Variants in SH3GL2 observed in about 807,000 individuals in gnomAD.
SH3GL2 encodes SH3 domain containing GRB2 like 2, endophilin A1, also known as endophilin-A1.
In SH3GL2, 24 loss-of-function variants were observed where a neutral mutation model predicts 46.0. That is an observed-to-expected ratio of 0.52 (90% CI 0.38 to 0.73). The LOEUF (loss-of-function observed/expected upper bound fraction) is 0.73, where lower values mean the gene tolerates loss of function less well. SH3GL2 is among the 30% of genes least tolerant of loss of function. SH3GL2 has a pLI of 0.00. For synonymous variants in SH3GL2, 196 were observed against 147.1 expected (o/e 1.33, Z -2.40); for missense variants, 413 against 424.2 (o/e 0.97, Z 0.23).
At chr9:17,596,922 T>C (rs1588163227) in intron 1 of SH3GL2, among the ~76,000 whole-genome samples, 1 of 152,210 alleles carries the variant, frequency 6.6e-6, no homozygotes. Context: ...CATGCCTTTA[T>C]GGATGGTCTG....
intron 1 of SH3GL2, among the ~76,000 whole-genome samples, chr9:17,587,672 G>A (rs915396844): frequency 6.6e-6 from 1 of 152,108 alleles, no homozygotes; most frequent in African/African-American, 2.4e-5. Context: ...GAGGCCAGGG[G>A]TTCAAGACCA....
chr9:17,625,377 G>A (rs748837205), intron 1 of SH3GL2, among the ~76,000 whole-genome samples: 2 of 152,158 alleles, frequency 1.3e-5, no homozygotes, highest in African/African-American at 2.4e-5. Flanking sequence ...CACACAGTTC[G>A]TTTTTTACAG....
At chr9:17,597,177 C>T (rs1262112495) in intron 1 of SH3GL2, among the ~76,000 whole-genome samples, 1 of 152,134 alleles carries the variant, frequency 6.6e-6, no homozygotes, top group Non-Finnish European at 1.5e-5. Flanking sequence ...TTTTTATTTG[C>T]TGCAAAACTT....
At chr9:17,762,356 AG>A (rs1490840165) in intron 3 of SH3GL2, among the ~76,000 whole-genome samples, 1 of 150,948 alleles carries the variant, frequency 6.6e-6, no homozygotes, top group African/African-American at 2.4e-5. Flanking sequence ...CAACTGCTTC[AG>A]CCCCAATGAG....
chr9:17,759,910 A>G (rs906063871), intron 2 of SH3GL2, among the ~76,000 whole-genome samples: 4 of 152,230 alleles, frequency 2.6e-5, no homozygotes, highest in Non-Finnish European at 5.9e-5. Flanking sequence ...TTGTACTTCT[A>G]TCACACATGT....
chr9:17,710,659 TAAAC>T (rs1728938260), intron 1 of SH3GL2, among the ~76,000 whole-genome samples: 1 of 151,944 alleles, frequency 6.6e-6, no homozygotes, highest in South Asian at 2.1e-4. Flanking sequence ...CAAATGTGGA[TAAAC>T]AAAATGTGGT....
chr9:17,607,539 C>G (rs1309471173), intron 1 of SH3GL2, among the ~76,000 whole-genome samples: 13 of 152,148 alleles, frequency 8.5e-5, no homozygotes, highest in Non-Finnish European at 1.5e-5. Context: ...GGACTACCAT[C>G]ATGTATTTGA....
chr9:17,751,025 A>G (rs537710691), intron 2 of SH3GL2, among the ~76,000 whole-genome samples: 4 of 152,280 alleles, frequency 2.6e-5, no homozygotes, highest in South Asian at 4.2e-4. Flanking sequence ...CTTGTCCCTG[A>G]TTATGTGGTT....
intron 3 of SH3GL2, among the ~76,000 whole-genome samples, chr9:17,763,768 A>T (rs1823243926): frequency 6.6e-6 from 1 of 152,150 alleles, no homozygotes; most frequent in Non-Finnish European, 1.5e-5. Context: ...GAATTTAAGG[A>T]ACTTTCCCAT....
At chr9:17,585,816 T>G (rs1004480194) in intron 1 of SH3GL2, among the ~76,000 whole-genome samples, 2 of 152,164 alleles carry the variant, frequency 1.3e-5, no homozygotes, top group African/African-American at 4.8e-5. Flanking sequence ...GGGTGGGGTG[T>G]TCACAGTTAG....
chr9:17,664,093 C>T (rs147182589), intron 1 of SH3GL2, among the ~76,000 whole-genome samples: 25 of 152,274 alleles, frequency 1.6e-4, no homozygotes, highest in African/African-American at 6.0e-4. Flanking sequence ...TTTAGCTTCA[C>T]TGTATCCACC....
At chr9:17,712,011 G>C (rs909019796) in intron 1 of SH3GL2, among the ~76,000 whole-genome samples, 2 of 151,746 alleles carry the variant, frequency 1.3e-5, no homozygotes, top group African/African-American at 4.8e-5. Flanking sequence ...CACTCTGATA[G>C]GTGTGCAGTG....
In SH3GL2 at chr9:17,795,763, C is replaced by G. The variant is rs777098331; in HGVS notation, c.*20C>G. On this transcript the variant is annotated 3_prime_UTR_variant, in exon 9 of 9. Coordinates refer to ENST00000380607, the MANE Select transcript of SH3GL2 (RefSeq NM_003026.5). ...CATTAGGATGTTATGCTGGCTGGCT[C>G]GCCTCCTCTTGACCCAGATAGTTAC... is the stretch of plus-strand genomic sequence containing the variant. 4.4e-6 allele frequency: 7 copies of G among 1,597,386 alleles called. No individual in the cohort carries two copies. The South Asian group carries it at 7.8e-5, about 18-fold the overall frequency.
In SH3GL2 at chr9:17,677,839, C is replaced by G. The variant is rs572437323; in HGVS notation, c.46-69227C>G. ...GTTCCCCTTCCTGTGTCCAAGTGTT[C>G]TCATTGTTCAATTCCCACCTTTGAG... On this transcript the variant is annotated intron_variant, in intron 1 of 8. Transcript: ENST00000380607. Among the ~76,000 whole-genome samples the G allele has an allele frequency of 4.6e-5, 7 of 151,346 alleles. No individual in the cohort carries two copies. The South Asian group carries it at 1.5e-3, about 32-fold the overall frequency.
chr9:17,795,068 C>G (rs369918351), intron 8 of SH3GL2, among the ~76,000 whole-genome samples: 1 of 152,158 alleles, frequency 6.6e-6, no homozygotes, highest in African/African-American at 2.4e-5. Context: ...GATAACCGAA[C>G]TGTTACTTAA....
intron 1 of SH3GL2, chr9:17,653,950 ATCT>A (rs775839038): frequency 3.4e-6 from 2 of 579,992 alleles, no homozygotes; most frequent in African/African-American, 4.0e-5. Flanking sequence ...GACTAGGCAG[ATCT>A]TCTTTTAAAC....
At chr9:17,631,190 G>A (rs1041722436) in intron 1 of SH3GL2, among the ~76,000 whole-genome samples, 1 of 152,172 alleles carries the variant, frequency 6.6e-6, no homozygotes, top group Non-Finnish European at 1.5e-5. Context: ...ACATTTGTAG[G>A]CTTGTTTCAT....
At chr9:17,718,450 C>T (rs759261163) in intron 1 of SH3GL2, among the ~76,000 whole-genome samples, 2 of 152,120 alleles carry the variant, frequency 1.3e-5, no homozygotes, top group African/African-American at 2.4e-5. Context: ...TGGCCAGGTG[C>T]AGTGGCTCAC....
chr9:17,779,964 G>A (rs552513682), intron 3 of SH3GL2, among the ~76,000 whole-genome samples: 67 of 152,190 alleles, frequency 4.4e-4, no homozygotes, highest in Middle Eastern at 6.8e-3. Context: ...GTCTAGAGAC[G>A]AACACAGTGG....
Sources: allele counts gnomAD v4.1 joint callset (sites outside exome capture counted in the v4.1 genomes callset), GRCh38; gene constraint gnomAD v4.1.1; transcripts MANE v1.5; gene names NCBI Gene and HGNC (gene_info 2026-07-23, HGNC 2026-07-21).